Variants in MRTFB observed in about 807,000 individuals in gnomAD.
MRTFB encodes myocardin related transcription factor B.
MRTFB carries 29 observed loss-of-function variants against 104.2 expected under a neutral mutation model. The ratio of observed to expected loss-of-function variants is 0.28; its 90% CI spans 0.21 to 0.38. The LOEUF (loss-of-function observed/expected upper bound fraction) is 0.38, where lower values mean the gene tolerates loss of function less well. Ranked by LOEUF, MRTFB falls within the 10% of genes least tolerant of loss-of-function variation. The probability of loss-of-function intolerance (pLI) is 1.00; values close to 1 mark genes in which losing one functional copy is unlikely to be tolerated. For synonymous variants in MRTFB, 535 were observed against 519.5 expected (o/e 1.03, Z -0.41); for missense variants, 1,270 against 1,341.6 (o/e 0.95, Z 0.83).
chr16:14,095,277 T>C lies in MRTFB; in HGVS notation c.-64+15923T>C, dbSNP rs572951433. Reference sequence around the variant, plus strand: ...TGCTTATGGTGAAATGAGTCCACATTATCAGGCAAGTGTGGTTCCACTTGG... The same window carrying C: ...TGCTTATGGTGAAATGAGTCCACATCATCAGGCAAGTGTGGTTCCACTTGG... On this transcript the variant is annotated intron_variant, in intron 2 of 16. Transcript: ENST00000571589. Among the ~76,000 whole-genome samples the C allele has an allele frequency of 1.4e-4, 21 of 152,300 alleles. No individual in the cohort carries two copies. In the South Asian group the frequency reaches 4.1e-3, roughly 30 times the overall value.
At chr16:14,065,099 G>GT in the MRTFB span, among the ~76,000 whole-genome samples, 3 of 152,258 alleles carry the variant, frequency 2.0e-5, no homozygotes, top group Admixed American at 6.5e-5. Context: ...AGCGTGGAAT[G>GT]TTTTTCCATT....
At chr16:14,182,594 T>C (rs1260873410) in intron 3 of MRTFB, among the ~76,000 whole-genome samples, 1 of 152,198 alleles carries the variant, frequency 6.6e-6, no homozygotes, top group Non-Finnish European at 1.5e-5. Flanking sequence ...AACTCAGACA[T>C]GTTCCTCAGC....
At chr16:14,067,194 C>G (rs2033533881), upstream of MRTFB, among the ~76,000 whole-genome samples, 1 of 149,702 alleles carries the variant, frequency 6.7e-6, no homozygotes, top group South Asian at 2.1e-4. Context: ...TCCCTCAAAT[C>G]ATGATGTCAC....
intron 8 of MRTFB, among the ~76,000 whole-genome samples, chr16:14,231,577 CCT>C (rs1160681491): frequency 6.6e-6 from 1 of 152,156 alleles, no homozygotes; most frequent in Non-Finnish European, 1.5e-5. Flanking sequence ...GTGTTGTTCC[CCT>C]CTATGTGTCC....
intron 1 of MRTFB, among the ~76,000 whole-genome samples, chr16:14,072,864 T>C (rs914202597): frequency 6.6e-6 from 1 of 152,240 alleles, no homozygotes; most frequent in Non-Finnish European, 1.5e-5. Context: ...TGGATCCATA[T>C]TTTTAAACTA....
the MRTFB span, among the ~76,000 whole-genome samples, chr16:14,037,449 A>T: frequency 6.6e-6 from 1 of 152,216 alleles, no homozygotes; most frequent in Non-Finnish European, 1.5e-5. Context: ...GCAGCTGGAC[A>T]TGTGGGTGGG....
At chr16:14,016,646 G>A in the MRTFB span, among the ~76,000 whole-genome samples, 1 of 151,904 alleles carries the variant, frequency 6.6e-6, no homozygotes, top group Non-Finnish European at 1.5e-5. Flanking sequence ...GGCGGCGCAT[G>A]CCTGTAATCC....
intron 9 of MRTFB, among the ~76,000 whole-genome samples, chr16:14,237,039 T>TC (rs1491410239): frequency 6.6e-6 from 1 of 152,186 alleles, no homozygotes; most frequent in Non-Finnish European, 1.5e-5. Flanking sequence ...CCACGTCCTG[T>TC]AATGGAAAGG....
At chr16:14,116,713 T>A (rs1293528432) in intron 2 of MRTFB, among the ~76,000 whole-genome samples, 1 of 152,092 alleles carries the variant, frequency 6.6e-6, no homozygotes, top group Non-Finnish European at 1.5e-5. Flanking sequence ...GTAAGGTGTT[T>A]AGCAGCATCC....
chr16:14,204,070 C>G (rs1482251621), intron 3 of MRTFB, among the ~76,000 whole-genome samples: 2 of 152,092 alleles, frequency 1.3e-5, no homozygotes, highest in Non-Finnish European at 2.9e-5. Context: ...TCAAGTGATC[C>G]TCCTACCTCA....
intron 3 of MRTFB, among the ~76,000 whole-genome samples, chr16:14,176,641 A>G (rs1040255138): frequency 6.6e-6 from 1 of 152,232 alleles, no homozygotes; most frequent in African/African-American, 2.4e-5. Flanking sequence ...AAGTTAAAAA[A>G]TCTGCTGTTC....
intron 3 of MRTFB, among the ~76,000 whole-genome samples, chr16:14,168,895 G>A (rs895702039): frequency 3.3e-5 from 5 of 152,144 alleles, no homozygotes; most frequent in Non-Finnish European, 5.9e-5. Flanking sequence ...AACCATTTCT[G>A]TGGGTGTGTG....
chr16:14,148,618 G>T (rs879186879), intron 3 of MRTFB: 3 of 152,524 alleles, frequency 2.0e-5, no homozygotes, highest in Admixed American at 6.5e-5. Context: ...ACATTAATCC[G>T]TACGTTGGCT....
the MRTFB span, among the ~76,000 whole-genome samples, chr16:13,996,231 C>T: frequency 5.3e-5 from 8 of 151,754 alleles, no homozygotes; most frequent in Admixed American, 1.3e-4. Context: ...AAGATCGTGC[C>T]GTTGCACTCC....
intron 1 of MRTFB, among the ~76,000 whole-genome samples, chr16:14,074,122 C>T (rs904379217): frequency 1.3e-5 from 2 of 151,654 alleles, no homozygotes; most frequent in African/African-American, 2.4e-5. Flanking sequence ...TTATTAGTTG[C>T]GTGTTACGTT....
At chr16:14,251,766 A>G (rs1416424554) in intron 13 of MRTFB, 96 bp from the exon 14 acceptor site, 2 of 1,352,762 alleles carry the variant, frequency 1.5e-6, no homozygotes, top group African/African-American at 2.9e-5. Context: ...CCTTTACAGA[A>G]AAAGTTTGCT....
intron 2 of MRTFB, among the ~76,000 whole-genome samples, chr16:14,105,595 C>T (rs1567327921): frequency 6.6e-6 from 1 of 152,036 alleles, no homozygotes; most frequent in African/African-American, 2.4e-5. Flanking sequence ...GATAGGGTCT[C>T]ACTGTGTTGC....
the MRTFB span, among the ~76,000 whole-genome samples, chr16:14,024,650 CA>C: frequency 6.6e-6 from 1 of 152,166 alleles, no homozygotes; most frequent in Non-Finnish European, 1.5e-5. Context: ...AAAAATGGGA[CA>C]ACCTAAACAT....
intron 3 of MRTFB, chr16:14,193,888 TA>T (rs2040310428): frequency 6.6e-6 from 1 of 152,210 alleles, no homozygotes; most frequent in South Asian, 2.1e-4. Context: ...ATTAAGGTGA[TA>T]ATAGTCCCTG....
Sources: gnomAD v4.1 joint callset for allele counts (sites outside exome capture counted in the v4.1 genomes callset) on GRCh38, gnomAD v4.1.1 for gene constraint, MANE v1.5 for transcripts, NCBI Gene and HGNC (gene_info 2026-07-23, HGNC 2026-07-21) for gene names.